Variants in RALYL observed in about 807,000 individuals in gnomAD.
RALYL encodes RALY RNA binding protein like.
Under a neutral mutation model 35.1 loss-of-function variants are expected in RALYL, and 29 were observed. That is an observed-to-expected ratio of 0.83 (90% CI 0.61 to 1.13). The LOEUF (loss-of-function observed/expected upper bound fraction) is 1.13. Ranked by LOEUF, RALYL falls within the 50% of genes most tolerant of loss-of-function variation. The pLI, the probability that RALYL is intolerant of heterozygous loss-of-function variation, is 0.00. For missense variants in RALYL, 359 were observed against 360.4 expected (o/e 1.00, Z 0.03); for synonymous variants, 120 against 127.6 (o/e 0.94, Z 0.40).
intron 2 of RALYL, among the ~76,000 whole-genome samples, chr8:84,650,594 A>C (rs528219718): frequency 6.6e-6 from 1 of 152,192 alleles, no homozygotes; most frequent in Non-Finnish European, 1.5e-5. Context: ...GAGGATGTGG[A>C]GAAATAGGAG....
intron 6 of RALYL, among the ~76,000 whole-genome samples, chr8:84,864,045 T>C (rs1186593588): frequency 6.6e-6 from 1 of 152,210 alleles, no homozygotes; most frequent in African/African-American, 2.4e-5. Context: ...GGGACTTTTA[T>C]AGAAAGACAA....
At chr8:84,341,832 T>C (rs561201471) in intron 1 of RALYL, among the ~76,000 whole-genome samples, 3 of 152,096 alleles carry the variant, frequency 2.0e-5, no homozygotes, top group South Asian at 4.1e-4. Flanking sequence ...TTCAAGTCAC[T>C]ATTCCAAAGT....
intron 2 of RALYL, among the ~76,000 whole-genome samples, chr8:84,560,307 A>T (rs534523274): frequency 2.4e-4 from 37 of 152,094 alleles, no homozygotes; most frequent in African/African-American, 8.4e-4. Context: ...CAATTTCTCA[A>T]AAAAGGGGAA....
At chr8:84,866,912 T>G (rs1288411317) in intron 6 of RALYL, among the ~76,000 whole-genome samples, 1 of 152,166 alleles carries the variant, frequency 6.6e-6, no homozygotes, top group Non-Finnish European at 1.5e-5. Context: ...TGCTACCTGC[T>G]CAAAATGATA....
intron 1 of RALYL, among the ~76,000 whole-genome samples, chr8:84,219,292 T>C (rs1821607946): frequency 6.6e-6 from 1 of 152,030 alleles, no homozygotes; most frequent in South Asian, 2.1e-4. Flanking sequence ...AAATGTTCGG[T>C]AGTTCCTCTT....
chr8:84,909,156 T>A (rs1043668559), intron 8 of RALYL, among the ~76,000 whole-genome samples: 1 of 152,152 alleles, frequency 6.6e-6, no homozygotes, highest in Non-Finnish European at 1.5e-5. Context: ...CCTTCTCAAA[T>A]GTCCTCATTT....
At chr8:84,820,601 A>G (rs1009832832) in intron 4 of RALYL, among the ~76,000 whole-genome samples, 2 of 152,032 alleles carry the variant, frequency 1.3e-5, no homozygotes, top group Non-Finnish European at 2.9e-5. Context: ...TGTGTTGCAT[A>G]GGTATACATG....
At chr8:84,572,461 T>C (rs1808242700) in intron 2 of RALYL, among the ~76,000 whole-genome samples, 1 of 151,762 alleles carries the variant, frequency 6.6e-6, no homozygotes. Flanking sequence ...TAGAACTCCT[T>C]TGAGTATTTC....
Position 84,593,136 on chromosome 8 carries a change from G to T in RALYL, c.256+63559G>T, listed in dbSNP as rs911604391. Among the ~76,000 whole-genome samples the T allele has an allele frequency of 2.6e-5, 4 of 152,120 alleles. No individual in the cohort carries two copies. In the East Asian group the frequency reaches 7.7e-4, roughly 29 times the overall value. ...TTTTTAATCTTTGTATATGGTGTAAGGTAGGGGTCCAAATTCATTCTTTCT... is the reference window on the plus strand; with the variant it reads ...TTTTTAATCTTTGTATATGGTGTAATGTAGGGGTCCAAATTCATTCTTTCT... On this transcript the variant is annotated intron_variant, in intron 2 of 8. Coordinates refer to ENST00000521268, the MANE Select transcript of RALYL (RefSeq NM_173848.7).
chr8:84,854,705 G>A (rs1420023000), intron 5 of RALYL, among the ~76,000 whole-genome samples: 4 of 152,176 alleles, frequency 2.6e-5, no homozygotes, highest in Admixed American at 2.6e-4. Context: ...AACTGAAAAC[G>A]CAAAAAGACA....
intron 1 of RALYL, among the ~76,000 whole-genome samples, chr8:84,403,187 G>C (rs537911430): frequency 2.0e-5 from 3 of 151,886 alleles, no homozygotes; most frequent in Admixed American, 6.6e-5. Flanking sequence ...GTCAATTTTT[G>C]CTTTTGTTGC....
At chr8:84,255,996 G>A (rs1327526135) in intron 1 of RALYL, among the ~76,000 whole-genome samples, 1 of 152,122 alleles carries the variant, frequency 6.6e-6, no homozygotes, top group Non-Finnish European at 1.5e-5. Context: ...GGCATAGACA[G>A]AGTATCATGA....
intron 1 of RALYL, among the ~76,000 whole-genome samples, chr8:84,525,427 T>C (rs1564085862): frequency 6.6e-6 from 1 of 152,150 alleles, no homozygotes; most frequent in Non-Finnish European, 1.5e-5. Flanking sequence ...TTTTTATCAC[T>C]TGTTTTTAGT....
At chr8:84,394,520 G>T (rs1294384040) in intron 1 of RALYL, among the ~76,000 whole-genome samples, 2 of 151,894 alleles carry the variant, frequency 1.3e-5, no homozygotes, top group Non-Finnish European at 2.9e-5. Context: ...TTTAATATAA[G>T]GTGATTTAGC....
At chr8:84,907,688 G>A (rs1846764536) in intron 8 of RALYL, among the ~76,000 whole-genome samples, 1 of 151,880 alleles carries the variant, frequency 6.6e-6, no homozygotes, top group African/African-American at 2.4e-5. Flanking sequence ...TTTGGTTTGT[G>A]CCAAATCTAT....
intron 1 of RALYL, among the ~76,000 whole-genome samples, chr8:84,474,146 T>G (rs1189490334): frequency 6.6e-6 from 1 of 152,114 alleles, no homozygotes. Flanking sequence ...CTGTAGATAC[T>G]ATCTTTAAAA....
chr8:84,234,931 A>G (rs1290583696), intron 1 of RALYL, among the ~76,000 whole-genome samples: 1 of 151,798 alleles, frequency 6.6e-6, no homozygotes, highest in African/African-American at 2.4e-5. Flanking sequence ...TGCCCGGCTA[A>G]TTTTTGTATT....
At chr8:84,487,319 T>C (rs2054752737) in intron 1 of RALYL, among the ~76,000 whole-genome samples, 1 of 152,108 alleles carries the variant, frequency 6.6e-6, no homozygotes, top group African/African-American at 2.4e-5. Flanking sequence ...GTTCCTACTG[T>C]TCCACCTTTG....
rs760038194 is a variant in RALYL, at chr8:84,352,557, A to T, written c.-24+168133A>T. Among the ~76,000 whole-genome samples the T allele has an allele frequency of 2.5e-4, 38 of 150,368 alleles. 1 individual carries two copies. Among genetic ancestry groups the T allele is most frequent in the Non-Finnish European group, 7.4e-5 (5 of 67,714 alleles). ...ACAACTTAATAACTTTCCCAAAGCC[A>T]CACAACTAACAGGAGGTCAAGACTG... On this transcript the variant is annotated intron_variant, in intron 1 of 8. Transcript: ENST00000521268.
Sources: gnomAD v4.1 joint callset for allele counts (sites outside exome capture counted in the v4.1 genomes callset) on GRCh38, gnomAD v4.1.1 for gene constraint, MANE v1.5 for transcripts, NCBI Gene and HGNC (gene_info 2026-07-23, HGNC 2026-07-21) for gene names.